SPMIP7: variants seen among roughly 807,000 people sequenced by gnomAD.
SPMIP7 encodes the protein sperm microtubule inner protein 7, also known as protein SPMIP7.
the SPMIP7 span, among the ~76,000 whole-genome samples, chr7:50,105,243 A>G: frequency 6.6e-6 from 1 of 152,172 alleles, no homozygotes; most frequent in African/African-American, 2.4e-5. Context: ...ATAAAATTCA[A>G]CCCCTTAAAG....
At chr7:50,126,068 G>A in the SPMIP7 span, among the ~76,000 whole-genome samples, 1 of 152,044 alleles carries the variant, frequency 6.6e-6, no homozygotes, top group Admixed American at 6.6e-5. Context: ...ATGTATACAT[G>A]TATCGAATCA....
At chr7:50,137,816 T>C in the SPMIP7 span, among the ~76,000 whole-genome samples, 1 of 152,200 alleles carries the variant, frequency 6.6e-6, no homozygotes, top group Non-Finnish European at 1.5e-5. Flanking sequence ...GTAACTTGCC[T>C]GCTTATATAT....
At chr7:50,131,930 G>A in the SPMIP7 span, among the ~76,000 whole-genome samples, 5 of 152,212 alleles carry the variant, frequency 3.3e-5, no homozygotes, top group East Asian at 9.6e-4. Flanking sequence ...CTCCATATCT[G>A]CCCACTCTTT....
At chr7:50,111,094 A>C in the SPMIP7 span, among the ~76,000 whole-genome samples, 1 of 146,588 alleles carries the variant, frequency 6.8e-6, no homozygotes, top group Admixed American at 6.9e-5. Flanking sequence ...ATTATATTAT[A>C]TGTGTATATG....
the SPMIP7 span, among the ~76,000 whole-genome samples, chr7:50,114,864 T>G: frequency 6.6e-6 from 1 of 152,028 alleles, no homozygotes; most frequent in Non-Finnish European, 1.5e-5. Flanking sequence ...ACCCTGTCTC[T>G]ATTAAAAATA....
the SPMIP7 span, among the ~76,000 whole-genome samples, chr7:50,111,005 ATCTT>A: frequency 1.0e-4 from 15 of 144,012 alleles, no homozygotes; most frequent in Non-Finnish European, 2.1e-4. Context: ...TATATGTAAT[ATCTT>A]TATTATATAT....
At chr7:50,149,256 G>C in the SPMIP7 span, among the ~76,000 whole-genome samples, 84 of 151,400 alleles carry the variant, frequency 5.5e-4, no homozygotes, top group African/African-American at 1.9e-3. Flanking sequence ...CTTTTCAGCT[G>C]TCTGTACTGG....
At chr7:50,151,004 G>A in the SPMIP7 span, among the ~76,000 whole-genome samples, 2 of 152,186 alleles carry the variant, frequency 1.3e-5, no homozygotes, top group African/African-American at 2.4e-5. Flanking sequence ...ATGGTGATAA[G>A]AAAGATATCT....
the SPMIP7 span, among the ~76,000 whole-genome samples, chr7:50,107,362 C>CAAAAAAAAA: frequency 6.0e-5 from 1 of 16,652 alleles, no homozygotes; most frequent in African/African-American, 2.9e-4. Context: ...GACTCTGTCT[C>CAAAAAAAAA]AAAAAAAAAA....
At chr7:50,106,061 T>C in the SPMIP7 span, among the ~76,000 whole-genome samples, 1 of 152,240 alleles carries the variant, frequency 6.6e-6, no homozygotes, top group Non-Finnish European at 1.5e-5. Context: ...TTAGACTTTT[T>C]ATAGCAGTGA....
At chr7:50,107,269 T>C in the SPMIP7 span, among the ~76,000 whole-genome samples, 473 of 148,000 alleles carry the variant, frequency 3.2e-3, 1 homozygote, top group African/African-American at 0.011. Context: ...GGCAGGAGAA[T>C]TGCTTGAACC....
At chr7:50,100,820 T>TAAATAAATAAATA in the SPMIP7 span, among the ~76,000 whole-genome samples, 11,172 of 150,234 alleles carry the variant, frequency 0.074, 615 homozygotes, top group Middle Eastern at 0.18. Flanking sequence ...CAAAAATAAA[T>TAAATAAATAAATA]AAATAAATAA....
At chr7:50,118,743 C>A in the SPMIP7 span, among the ~76,000 whole-genome samples, 4 of 152,124 alleles carry the variant, frequency 2.6e-5, no homozygotes. Flanking sequence ...GGTCAAAAGA[C>A]AAATGGCATT....
chr7:50,137,326 C>G, the SPMIP7 span, among the ~76,000 whole-genome samples: 124,778 of 152,090 alleles, frequency 0.82, 51,247 homozygotes, highest in East Asian at 0.92. Flanking sequence ...ATTTATATTT[C>G]TGTTTGTAAG....
chr7:50,143,742 T>C, the SPMIP7 span, among the ~76,000 whole-genome samples: 1 of 152,240 alleles, frequency 6.6e-6, no homozygotes, highest in Non-Finnish European at 1.5e-5. Flanking sequence ...ACAATGACAA[T>C]ATAACCAAAC....
the SPMIP7 span, among the ~76,000 whole-genome samples, chr7:50,099,110 T>C: frequency 6.6e-6 from 1 of 152,184 alleles, no homozygotes; most frequent in African/African-American, 2.4e-5. Context: ...TCTTTTGTGA[T>C]TGGCTTATTT....
chr7:50,140,516 T>C, the SPMIP7 span, among the ~76,000 whole-genome samples: 69,149 of 152,076 alleles, frequency 0.45, 16,099 homozygotes, highest in East Asian at 0.73. Flanking sequence ...TCACAAAAAC[T>C]GTTATAATTG....
At chr7:50,157,047 G>C in the SPMIP7 span, among the ~76,000 whole-genome samples, 1 of 152,108 alleles carries the variant, frequency 6.6e-6, no homozygotes, top group South Asian at 2.1e-4. Context: ...CACTGGAAGG[G>C]GGACAAGAGA....
chr7:50,098,529 A>G, the SPMIP7 span, among the ~76,000 whole-genome samples: 1 of 152,194 alleles, frequency 6.6e-6, no homozygotes, highest in East Asian at 1.9e-4. Flanking sequence ...TTGCATGACA[A>G]AATACTAAAG....
Sources: gnomAD v4.1 joint callset for allele counts (sites outside exome capture counted in the v4.1 genomes callset) on GRCh38, gnomAD v4.1.1 for gene constraint, MANE v1.5 for transcripts, NCBI Gene and HGNC (gene_info 2026-07-23, HGNC 2026-07-21) for gene names.